The following ACER2 variants were observed in gnomAD, a reference collection of about 807,000 sequenced individuals.
ACER2 encodes alkCDase 2.
In ACER2, 26 loss-of-function variants were observed where a neutral mutation model predicts 34.7. The ratio of observed to expected loss-of-function variants is 0.75; its 90% CI spans 0.55 to 1.04. ACER2 has a LOEUF of 1.04. ACER2 is among the 50% of genes least tolerant of loss of function. ACER2 has a pLI of 0.00. For synonymous variants in ACER2, 138 were observed against 132.1 expected (o/e 1.04, Z -0.31); for missense variants, 352 against 340.8 (o/e 1.03, Z -0.26).
At chr9:19,444,578 C>T (rs1831285878) in intron 4 of ACER2, among the ~76,000 whole-genome samples, 1 of 152,164 alleles carries the variant, frequency 6.6e-6, no homozygotes, top group Admixed American at 6.5e-5. Context: ...CCATCCTGGT[C>T]GGCATGCAGC....
intron 1 of ACER2, among the ~76,000 whole-genome samples, chr9:19,411,898 C>T (rs1830097420): frequency 6.6e-6 from 1 of 152,140 alleles, no homozygotes; most frequent in African/African-American, 2.4e-5. Context: ...ACTGTATACT[C>T]ATTCTAGACA....
intron 5 of ACER2, among the ~76,000 whole-genome samples, chr9:19,447,240 A>G (rs1831402587): frequency 1.3e-5 from 2 of 152,300 alleles, no homozygotes; most frequent in South Asian, 4.1e-4. Flanking sequence ...CCAGAGAGGA[A>G]TTCTAGTGGT....
chr9:19,451,905 A>G lies in ACER2; in HGVS notation c.*1269A>G, dbSNP rs999928576. The G allele has an allele frequency of 6.6e-6, 1 of 152,284 alleles. No individual in the cohort carries two copies. The highest frequency in any genetic ancestry group is 2.4e-5 in the African/African-American group (1 of 41,416). 9.4% of individuals were successfully genotyped at this position (152,284 alleles called of 1,614,324 possible). On this transcript the variant is annotated 3_prime_UTR_variant, in exon 6 of 6. Transcript: ENST00000340967. Reference sequence around the variant, plus strand: ...GCATCATGTTCTTCACGCTTGCAGTAGAAGGTGCTTTCTCGGTTTCCCAGA... The same window carrying G: ...GCATCATGTTCTTCACGCTTGCAGTGGAAGGTGCTTTCTCGGTTTCCCAGA...
At chr9:19,445,887 G>A (rs1831340289) in intron 4 of ACER2, among the ~76,000 whole-genome samples, 1 of 152,206 alleles carries the variant, frequency 6.6e-6, no homozygotes, top group African/African-American at 2.4e-5. Flanking sequence ...GATCTAGATG[G>A]AGGTGGTGGA....
chr9:19,422,009 C>T (rs968719539), intron 1 of ACER2, among the ~76,000 whole-genome samples: 3 of 151,716 alleles, frequency 2.0e-5, no homozygotes, highest in Admixed American at 1.3e-4. Flanking sequence ...CTAGGCTGGA[C>T]GCGGTGACTC....
intron 1 of ACER2, among the ~76,000 whole-genome samples, chr9:19,412,298 G>A (rs886880519): frequency 2.0e-5 from 3 of 152,102 alleles, no homozygotes; most frequent in African/African-American, 7.2e-5. Flanking sequence ...ATAACCTTCT[G>A]TATCTTTCTA....
At chr9:19,441,611 A>G (rs1217207858) in intron 4 of ACER2, among the ~76,000 whole-genome samples, 1 of 152,014 alleles carries the variant, frequency 6.6e-6, no homozygotes, top group East Asian at 1.9e-4. Context: ...TGAGCTATTT[A>G]TATGCTGTTC....
intron 1 of ACER2, 26 bp from the exon 2 acceptor site, chr9:19,423,836 T>G: frequency 6.3e-7 from 1 of 1,574,836 alleles, no homozygotes; most frequent in Non-Finnish European, 8.7e-7. Context: ...ATACTCATCT[T>G]TCTGTTTTAC....
At chr9:19,416,666 C>T (rs966886079) in intron 1 of ACER2, among the ~76,000 whole-genome samples, 6 of 151,708 alleles carry the variant, frequency 4.0e-5, no homozygotes, top group African/African-American at 1.5e-4. Flanking sequence ...GGTGGGATTA[C>T]AGGCGCCCGC....
At chr9:19,420,480 G>A (rs1023072123) in intron 1 of ACER2, among the ~76,000 whole-genome samples, 4 of 152,050 alleles carry the variant, frequency 2.6e-5, no homozygotes, top group Admixed American at 6.6e-5. Context: ...TGTTCCTACC[G>A]CTTCATATCT....
At chr9:19,427,975 CTT>C in intron 3 of ACER2, among the ~76,000 whole-genome samples, 1 of 141,094 alleles carries the variant, frequency 7.1e-6, no homozygotes, top group South Asian at 2.2e-4. Flanking sequence ...CTTTCCTTTC[CTT>C]TTTCCTTTTT....
chr9:19,411,828 C>A (rs1830095484), intron 1 of ACER2, among the ~76,000 whole-genome samples: 1 of 152,200 alleles, frequency 6.6e-6, no homozygotes. Flanking sequence ...ATCACTACTA[C>A]ACCTTCAGAT....
intron 4 of ACER2, among the ~76,000 whole-genome samples, chr9:19,442,899 C>T (rs951072939): frequency 6.1e-4 from 92 of 151,578 alleles, no homozygotes; most frequent in African/African-American, 2.2e-3. Context: ...GTGGCACTAT[C>T]TCGGCTCACT....
intron 1 of ACER2, among the ~76,000 whole-genome samples, chr9:19,418,257 A>C (rs555434150): frequency 6.6e-6 from 1 of 152,286 alleles, no homozygotes; most frequent in Admixed American, 6.5e-5. Flanking sequence ...TGGGAGTGTA[A>C]ATTAGTTCAA....
chr9:19,423,335 A>C (rs1295542565), intron 1 of ACER2, among the ~76,000 whole-genome samples: 1 of 152,286 alleles, frequency 6.6e-6, no homozygotes, highest in Admixed American at 6.5e-5. Flanking sequence ...ATGATCAAAG[A>C]AGCAGCAGGG....
chr9:19,434,183 G>C (rs575513290), intron 3 of ACER2, among the ~76,000 whole-genome samples: 3 of 151,648 alleles, frequency 2.0e-5, no homozygotes, highest in Admixed American at 6.6e-5. Flanking sequence ...TGGGCGGCCG[G>C]GCAGAGACGC....
At chr9:19,430,414 T>A (rs928025522) in intron 3 of ACER2, among the ~76,000 whole-genome samples, 3 of 152,150 alleles carry the variant, frequency 2.0e-5, no homozygotes, top group Non-Finnish European at 4.4e-5. Context: ...GAGGCTGTCA[T>A]CAATCACAGT....
intron 3 of ACER2, among the ~76,000 whole-genome samples, chr9:19,425,468 A>G (rs1830533869): frequency 6.6e-6 from 1 of 152,262 alleles, no homozygotes; most frequent in Non-Finnish European, 1.5e-5. Flanking sequence ...ATTTTTGAAC[A>G]CTTATATTTT....
intron 4 of ACER2, among the ~76,000 whole-genome samples, chr9:19,435,470 C>G (rs533331762): frequency 2.8e-4 from 43 of 152,326 alleles, no homozygotes; most frequent in African/African-American, 1.0e-3. Flanking sequence ...AGGAAATATG[C>G]ACTTCAGGTG....
Sources: gnomAD v4.1 joint callset for allele counts (sites outside exome capture counted in the v4.1 genomes callset) on GRCh38, gnomAD v4.1.1 for gene constraint, MANE v1.5 for transcripts, NCBI Gene and HGNC (gene_info 2026-07-23, HGNC 2026-07-21) for gene names.